Variants in GFOD1 observed in about 807,000 individuals in gnomAD.
GFOD1 encodes glucose-fructose oxidoreductase domain-containing protein 1.
In GFOD1, 9 loss-of-function variants were observed where a neutral mutation model predicts 25.4. The ratio of observed to expected loss-of-function variants is 0.35; its 90% CI spans 0.21 to 0.62. The LOEUF (loss-of-function observed/expected upper bound fraction) is 0.62, where lower values mean the gene tolerates loss of function less well. GFOD1 is among the 20% of genes least tolerant of loss of function. The pLI is 0.72. For missense variants in GFOD1, 403 were observed against 556.9 expected, an observed-to-expected ratio of 0.72 and a Z score of 2.78; for synonymous variants, 253 against 245.6, an observed-to-expected ratio of 1.03 and a Z score of -0.28.
chr6:13,449,639 A>G (rs1429799735), intron 1 of GFOD1, among the ~76,000 whole-genome samples: 1 of 152,168 alleles, frequency 6.6e-6, no homozygotes, highest in Admixed American at 6.5e-5. Context: ...GGTTTCCCCC[A>G]TATTGTTCTC....
At chr6:13,436,718 T>C (rs1261928411) in intron 1 of GFOD1, among the ~76,000 whole-genome samples, 5 of 152,262 alleles carry the variant, frequency 3.3e-5, no homozygotes, top group African/African-American at 1.2e-4. Context: ...GTGACGATTT[T>C]CACCTTGACC....
At chr6:13,379,325 C>T (rs936505540) in intron 1 of GFOD1, among the ~76,000 whole-genome samples, 4 of 152,112 alleles carry the variant, frequency 2.6e-5, no homozygotes, top group Admixed American at 6.5e-5. Flanking sequence ...ATAGAAGGCA[C>T]GCCAGCTGTT....
At chr6:13,482,394 AC>A (rs1283762291) in intron 1 of GFOD1, among the ~76,000 whole-genome samples, 1 of 151,946 alleles carries the variant, frequency 6.6e-6, no homozygotes, top group African/African-American at 2.4e-5. Context: ...TTGTTGCATG[AC>A]AAAAGTAAGG....
intron 1 of GFOD1, among the ~76,000 whole-genome samples, chr6:13,390,957 G>A (rs959537022): frequency 6.6e-6 from 1 of 152,202 alleles, no homozygotes. Context: ...TTAACCAGCT[G>A]CTGAAACCCT....
chr6:13,390,761 A>AAGAG (rs70989852), intron 1 of GFOD1, among the ~76,000 whole-genome samples: 12 of 104,790 alleles, frequency 1.1e-4, no homozygotes, highest in South Asian at 8.8e-4. Flanking sequence ...GAGAGAGAGA[A>AAGAG]AGAGAGAGAG....
chr6:13,409,113 GA>G (rs1221426958), intron 1 of GFOD1, among the ~76,000 whole-genome samples: 3 of 67,436 alleles, frequency 4.4e-5, no homozygotes, highest in African/African-American at 1.1e-4. Context: ...AAGAAAGAAA[GA>G]AAGAAAGAAA....
At chr6:13,486,258 CACA>C (rs1758867270) in intron 1 of GFOD1, 4 of 247,578 alleles carry the variant, frequency 1.6e-5, no homozygotes, top group Non-Finnish European at 5.7e-6. Context: ...CCCCCCCCCC[CACA>C]CACACACACT....
At chr6:13,431,594 C>T (rs1244334542) in intron 1 of GFOD1, among the ~76,000 whole-genome samples, 4 of 152,220 alleles carry the variant, frequency 2.6e-5, no homozygotes, top group Non-Finnish European at 4.4e-5. Flanking sequence ...CTTGGTGGCA[C>T]TTTTCTAACT....
chr6:13,440,959 G>A (rs1255885706), intron 1 of GFOD1, among the ~76,000 whole-genome samples: 1 of 152,176 alleles, frequency 6.6e-6, no homozygotes, highest in African/African-American at 2.4e-5. Flanking sequence ...TATTCAGATG[G>A]ATGGGAATAA....
rs747626620 is a variant in GFOD1 at position 13,364,772 on chromosome 6, G to T, written c.1144C>A (p.Arg382Ser). ...SPAYLISEAMRRSRMSLYC is the reference protein window; with the variant it reads ...SPAYLISEAMSRSRMSLYC ...CAGTAGAGGGACATCCTGCTGCGGC[G>T]CATGGCCTCGCTGATCAGGTAGGCG... The change falls in exon 2 of 2, where the codon CGC becomes AGC. Residue 382 changes from arginine (R) to serine (S), a missense_variant. By Grantham distance (110) the Arg-to-Ser change is moderately radical (BLOSUM62 -1). Transcript: ENST00000379287. This position sits in a 1 kb window ranked among gnomAD's most constrained non-coding sequence, Gnocchi z 4.1. 1.2e-6 allele frequency: 2 copies of T among 1,613,230 alleles called. No homozygotes were observed. Among genetic ancestry groups the T allele is most frequent in the South Asian group, 1.1e-5 (1 of 91,070 alleles).
chr6:13,431,352 T>C (rs184324000), intron 1 of GFOD1, among the ~76,000 whole-genome samples: 2 of 152,180 alleles, frequency 1.3e-5, no homozygotes, highest in Admixed American at 1.3e-4. Context: ...TTAGTCTGAG[T>C]CAAGATTCCA....
intron 1 of GFOD1, among the ~76,000 whole-genome samples, chr6:13,457,231 G>T (rs1364197843): frequency 6.6e-6 from 1 of 152,222 alleles, no homozygotes; most frequent in Non-Finnish European, 1.5e-5. Flanking sequence ...AATTTGAGAG[G>T]TGACCTGGAC....
intron 1 of GFOD1, among the ~76,000 whole-genome samples, chr6:13,406,851 A>G (rs1309839717): frequency 6.6e-6 from 1 of 152,160 alleles, no homozygotes; most frequent in Non-Finnish European, 1.5e-5. Flanking sequence ...ACAGTGTGAT[A>G]GCAAATATAA....
intron 1 of GFOD1, among the ~76,000 whole-genome samples, chr6:13,391,835 G>A (rs1160745551): frequency 6.6e-6 from 1 of 152,208 alleles, no homozygotes; most frequent in African/African-American, 2.4e-5. Flanking sequence ...TTAGCACAGG[G>A]TCTGGGACAC....
In GFOD1 at chr6:13,365,288, T is replaced by C; in HGVS notation, c.628A>G (p.Lys210Glu). ...TCGCTGGTGATCTGTCGGATGCCCTTGATGTGGTCAGTCTGCTTCACGAAG... is the reference window on the plus strand; with the variant it reads ...TCGCTGGTGATCTGTCGGATGCCCTCGATGTGGTCAGTCTGCTTCACGAAG... ...KTFVKQTDHI[K>E]GIRQITSDDF... The change falls in exon 2 of 2, where the codon AAG becomes GAG. Residue 210 changes from lysine to glutamate, a missense_variant. Coordinates refer to ENST00000379287, the MANE Select transcript of GFOD1 (RefSeq NM_018988.4). This position sits in a 1 kb window ranked among gnomAD's most constrained non-coding sequence, Gnocchi z 9.2. The C allele has an allele frequency of 6.2e-7, 1 of 1,614,164 alleles. No homozygotes were observed. Among genetic ancestry groups the C allele is most frequent in the South Asian group, 1.1e-5 (1 of 91,088 alleles).
chr6:13,409,847 C>T (rs1039680403), intron 1 of GFOD1, among the ~76,000 whole-genome samples: 12 of 149,374 alleles, frequency 8.0e-5, no homozygotes, highest in Admixed American at 4.7e-4. Context: ...GGTGTAAACC[C>T]GGGAGGCAGA....
At chr6:13,381,058 G>A (rs1291234364) in intron 1 of GFOD1, among the ~76,000 whole-genome samples, 1 of 152,194 alleles carries the variant, frequency 6.6e-6, no homozygotes, top group Non-Finnish European at 1.5e-5. Flanking sequence ...GGGGGTTTCA[G>A]CAAGCCCAGC....
At chr6:13,409,088 G>GAAAAGAAAGAAA (rs1554201853) in intron 1 of GFOD1, among the ~76,000 whole-genome samples, 110 of 36,724 alleles carry the variant, frequency 3.0e-3, no homozygotes, top group African/African-American at 8.0e-3. Flanking sequence ...CCATCAGAAA[G>GAAAAGAAAGAAA]GAAAGAAAGA....
At chr6:13,388,958 T>C (rs899753216) in intron 1 of GFOD1, among the ~76,000 whole-genome samples, 3 of 152,086 alleles carry the variant, frequency 2.0e-5, no homozygotes, top group African/African-American at 4.8e-5. Context: ...GCAAAGGACA[T>C]GAACAGACAC....
Sources: gnomAD v4.1 joint callset for allele counts (sites outside exome capture counted in the v4.1 genomes callset) on GRCh38, gnomAD v4.1.1 for gene constraint, Gnocchi (gnomAD v3.1) non-coding constraint, MANE v1.5 for transcripts, NCBI Gene and HGNC (gene_info 2026-07-23, HGNC 2026-07-21) for gene names.